The following RBBP6 variants were observed in gnomAD, a reference collection of about 807,000 sequenced individuals.
The protein encoded by RBBP6 is E3 ubiquitin-protein ligase RBBP6.
Under a neutral mutation model 167.7 loss-of-function variants are expected in RBBP6, and 25 were observed. That is an observed-to-expected ratio of 0.15 (90% confidence interval 0.11 to 0.21). The LOEUF (loss-of-function observed/expected upper bound fraction) is 0.21. Among genes scored for constraint, RBBP6 ranks in the 10% least tolerant of loss-of-function variants. The pLI is 1.00. For synonymous variants in RBBP6, 789 were observed against 735.8 expected, an observed-to-expected ratio of 1.07 and a Z score of -1.17; for missense variants, 1,868 against 2,134.2, an observed-to-expected ratio of 0.88 and a Z score of 2.46.
chr16:24,540,935 A>C, intron 1 of RBBP6, 143 bp downstream of exon 1: 1 of 1,056,908 alleles, frequency 9.5e-7, no homozygotes, highest in Non-Finnish European at 1.3e-6. Flanking sequence ...ATTGATAGCC[A>C]AGGTTTGCAG....
At chr16:24,567,660 C>T in intron 15 of RBBP6, 132 bp from the exon 16 acceptor site, 1 of 1,244,242 alleles carries the variant, frequency 8.0e-7, no homozygotes, top group Non-Finnish European at 1.1e-6. Flanking sequence ...CTCAGGGATT[C>T]CTAGTTTATA....
In RBBP6 at chr16:24,563,432, G is replaced by T; in HGVS notation, c.1396G>T (p.Val466Leu). 1 of 1,607,872 alleles carries T rather than the reference G, an allele frequency of 6.2e-7. No homozygotes were observed. Among genetic ancestry groups the T allele is most frequent in the Non-Finnish European group, 8.5e-7 (1 of 1,178,564 alleles). Residue 466 changes from valine to leucine, a missense_variant, in exon 12 of 18, where the codon GTG becomes TTG. Coordinates refer to ENST00000319715, the MANE Select transcript of RBBP6 (RefSeq NM_006910.5). ...TALMEEKGYQ[V>L]PVLGTPSLLG... Reference sequence around the variant, plus strand: ...GTGGTTGTTTCTAAAGGGTTACCAGGTGCCTGTTCTTGGAACCCCATCTTT... The same window carrying T: ...GTGGTTGTTTCTAAAGGGTTACCAGTTGCCTGTTCTTGGAACCCCATCTTT...
chr16:24,557,871 A>C (rs929846540), intron 7 of RBBP6, among the ~76,000 whole-genome samples: 4 of 152,212 alleles, frequency 2.6e-5, no homozygotes, highest in Non-Finnish European at 5.9e-5. Context: ...TGTGTTTTTG[A>C]ATATGTACTT....
chr16:24,550,834 G>C (rs1898779101), intron 3 of RBBP6, among the ~76,000 whole-genome samples: 2 of 151,024 alleles, frequency 1.3e-5, no homozygotes, highest in African/African-American at 4.9e-5. Context: ...TCATTTATTT[G>C]CTTGGGGTAC....
intron 1 of RBBP6, among the ~76,000 whole-genome samples, chr16:24,541,402 CTCTTG>C (rs764561301): frequency 1.3e-5 from 2 of 152,104 alleles, no homozygotes; most frequent in African/African-American, 4.8e-5. Context: ...GATGTCACCG[CTCTTG>C]TCTTGTGTGT....
At chr16:24,563,000 C>T (rs1471837404) in intron 10 of RBBP6, among the ~76,000 whole-genome samples, 199 bp from the exon 11 acceptor site, 1 of 152,056 alleles carries the variant, frequency 6.6e-6, no homozygotes, top group African/African-American at 2.4e-5. Context: ...TAAGGAGGTC[C>T]TTCATTTTAC....
At chr16:24,566,887 G>A (rs990918026) in intron 14 of RBBP6, among the ~76,000 whole-genome samples, 1 of 152,162 alleles carries the variant, frequency 6.6e-6, no homozygotes, top group Non-Finnish European at 1.5e-5. Context: ...TCATAAAAGA[G>A]AACTTTTAAA....
rs552350939 is a variant in RBBP6, at chr16:24,560,395, C to T, written c.847+718C>T. ...TGCTGGGATTACAGGCGTGAGCCAC[C>T]GCGCCCGACATCTGTAGACATATTT... is the stretch of plus-strand genomic sequence containing the variant. On this transcript the variant is annotated intron_variant, in intron 8 of 17. Coordinates refer to ENST00000319715, the MANE Select transcript of RBBP6 (RefSeq NM_006910.5). Among the ~76,000 whole-genome samples the T allele has an allele frequency of 4.6e-5, 7 of 152,258 alleles. No individual in the cohort carries two copies. The South Asian group carries it at 1.2e-3, about 27-fold the overall frequency.
intron 1 of RBBP6, among the ~76,000 whole-genome samples, chr16:24,544,157 G>A (rs1348314929): frequency 1.3e-5 from 2 of 152,192 alleles, no homozygotes; most frequent in African/African-American, 4.8e-5. Flanking sequence ...GAAAGCTCTT[G>A]TGAGTGCATT....
chr16:24,563,241 A>G lies in RBBP6; in HGVS notation c.1332A>G (p.Ser444=). 2 of 1,611,660 alleles carry G rather than the reference A, an allele frequency of 1.2e-6. No individual in the cohort carries two copies. ...NKILPAAALA[S]EHSKGTSSIA... Reference sequence around the variant, plus strand: ...TATTGCCAGCTGCAGCTCTTGCATCAGAGCACTCAAAGGGAACCTCCTCAA... The same window carrying G: ...TATTGCCAGCTGCAGCTCTTGCATCGGAGCACTCAAAGGGAACCTCCTCAA... The change falls in exon 11 of 18, where the codon TCA becomes TCG. Residue 444 remains serine (S), a synonymous_variant. Coordinates refer to ENST00000319715, the MANE Select transcript of RBBP6 (RefSeq NM_006910.5).
chr16:24,567,961 G>A, intron 16 of RBBP6, 68 bp downstream of exon 16: 1 of 1,323,088 alleles, frequency 7.6e-7, no homozygotes, highest in Non-Finnish European at 1.1e-6. Context: ...GATTAGCTAT[G>A]GATATAAAGA....
chr16:24,564,363 C>G (rs544181226), intron 13 of RBBP6, among the ~76,000 whole-genome samples: 43 of 152,236 alleles, frequency 2.8e-4, no homozygotes, highest in African/African-American at 1.0e-3. Context: ...TCCTTCATTT[C>G]CTAGCTGCAT....
intron 2 of RBBP6, 122 bp downstream of exon 2, chr16:24,546,384 A>C: frequency 4.0e-5 from 46 of 1,159,116 alleles, no homozygotes; most frequent in South Asian, 4.6e-5. Flanking sequence ...ACATCTTCTC[A>C]AGACTGTGAG....
In RBBP6 at chr16:24,558,554, C is replaced by T. The variant is rs553999186; in HGVS notation, c.675-951C>T. The T allele has an allele frequency of 1.5e-5, 13 of 888,976 alleles. No homozygotes were observed. The East Asian group carries it at 4.8e-4, about 33-fold the overall frequency. The allele number at this position is 888,976 out of a possible 1,614,324, so 55.1% of individuals were successfully genotyped here. A position where few individuals can be genotyped will look rare whatever the true frequency, so the allele number is the denominator to read the frequency against. ...CCTAAGGTACCCTACTCTGTACAGC[C>T]GAGATTCTTTCATTTTCAGCATTGA... On this transcript the variant is annotated intron_variant, in intron 7 of 17. Coordinates refer to ENST00000319715, the MANE Select transcript of RBBP6 (RefSeq NM_006910.5).
intron 14 of RBBP6, 49 bp from the exon 15 acceptor site, chr16:24,567,094 C>A (rs1899212557): frequency 6.5e-7 from 1 of 1,548,766 alleles, no homozygotes; most frequent in East Asian, 2.3e-5. Context: ...TTACTTGTCT[C>A]AGATGACTTT....
chr16:24,559,348 G>T (rs1898992712), intron 7 of RBBP6, among the ~76,000 whole-genome samples, 157 bp from the exon 8 acceptor site: 1 of 152,080 alleles, frequency 6.6e-6, no homozygotes, highest in Non-Finnish European at 1.5e-5. Flanking sequence ...GGGTTAGGTT[G>T]TACATAATTA....
intron 16 of RBBP6, among the ~76,000 whole-genome samples, chr16:24,568,165 G>C (rs948282321): frequency 6.6e-6 from 1 of 152,158 alleles, no homozygotes; most frequent in Non-Finnish European, 1.5e-5. Flanking sequence ...AATGTTTTTG[G>C]AAGGAAAGAA....
chr16:24,564,900 T>C (rs745808962), intron 14 of RBBP6, 35 bp downstream of exon 14: 1 of 1,582,142 alleles, frequency 6.3e-7, no homozygotes, highest in South Asian at 1.2e-5. Flanking sequence ...AATAATCATC[T>C]TATTTTTTAT....
At chr16:24,542,485 G>A (rs1442092187) in intron 1 of RBBP6, among the ~76,000 whole-genome samples, 2 of 149,340 alleles carry the variant, frequency 1.3e-5, no homozygotes, top group Non-Finnish European at 3.0e-5. Flanking sequence ...CTGAAACAGA[G>A]TCTCACTCTG....
Sources: allele counts gnomAD v4.1 joint callset (sites outside exome capture counted in the v4.1 genomes callset), GRCh38; gene constraint gnomAD v4.1.1; transcripts MANE v1.5; gene names NCBI Gene and HGNC (gene_info 2026-07-23, HGNC 2026-07-21).